Variants in ROR2 observed in about 807,000 individuals in gnomAD.
The protein encoded by ROR2 is tyrosine-protein kinase transmembrane receptor ROR2.
A neutral mutation model predicts 74.9 loss-of-function variants in ROR2; 33 were observed. The observed-to-expected ratio is 0.44, with a 90% confidence interval of 0.33 to 0.59. The LOEUF (loss-of-function observed/expected upper bound fraction) is 0.59, where lower values mean the gene tolerates loss of function less well. Among genes scored for constraint, ROR2 ranks in the 20% least tolerant of loss-of-function variants. The pLI, the probability that ROR2 is intolerant of heterozygous loss-of-function variation, is 0.02. For synonymous variants in ROR2, 586 were observed against 558.7 expected (o/e 1.05, Z -0.69); for missense variants, 1,216 against 1,313.8 (o/e 0.93, Z 1.15).
intron 5 of ROR2, among the ~76,000 whole-genome samples, chr9:91,735,276 C>T (rs1824981470): frequency 6.6e-6 from 1 of 152,230 alleles, no homozygotes; most frequent in African/African-American, 2.4e-5. Context: ...CAACACTGCA[C>T]ACAACGCAGT....
At chr9:91,802,984 C>T (rs1291537554) in intron 1 of ROR2, among the ~76,000 whole-genome samples, 1 of 152,072 alleles carries the variant, frequency 6.6e-6, no homozygotes, top group African/African-American at 2.4e-5. Flanking sequence ...ATCACAACCA[C>T]GACAACAGGT....
At chr9:91,775,913 A>G (rs773786166) in intron 1 of ROR2, 95 bp from the exon 2 acceptor site, 1 of 971,974 alleles carries the variant, frequency 1.0e-6, no homozygotes, top group Non-Finnish European at 1.6e-6. Context: ...TTCTAGCAAA[A>G]CTACCCAGTA....
chr9:91,757,779 TC>T (rs1307965893), intron 2 of ROR2, among the ~76,000 whole-genome samples: 1 of 152,098 alleles, frequency 6.6e-6, no homozygotes, highest in Non-Finnish European at 1.5e-5. Flanking sequence ...AGAGTCAAAT[TC>T]CTGTGAGCCT....
rs1003328321 is a variant in ROR2 at position 91,905,131 on chromosome 9, A to C, written c.97+44736T>G. Among the ~76,000 whole-genome samples the C allele has an allele frequency of 5.0e-4, 76 of 151,046 alleles. No individual in the cohort carries two copies. Among genetic ancestry groups the C allele is most frequent in the Admixed American group, 8.0e-4 (12 of 15,062 alleles). On this transcript the variant is annotated intron_variant, in intron 1 of 8. Coordinates refer to ENST00000375708, the MANE Select transcript of ROR2 (RefSeq NM_004560.4). The surrounding 1 kb of genome is among the most constrained non-coding windows in gnomAD (Gnocchi z 5.3). Reference sequence around the variant, plus strand: ...ACCACAAACCACATATCACACACACACCCCCCACACAAATATCACACATGC... The same window carrying C: ...ACCACAAACCACATATCACACACACCCCCCCCACACAAATATCACACATGC...
At chr9:91,801,884 G>C (rs1827391588) in intron 1 of ROR2, among the ~76,000 whole-genome samples, 1 of 152,170 alleles carries the variant, frequency 6.6e-6, no homozygotes, top group Non-Finnish European at 1.5e-5. Context: ...GCAGGGTAAA[G>C]GACCTGGACT....
At chr9:91,839,145 C>T (rs1248168448) in intron 1 of ROR2, among the ~76,000 whole-genome samples, 1 of 152,080 alleles carries the variant, frequency 6.6e-6, no homozygotes, top group East Asian at 1.9e-4. Flanking sequence ...CACCAATTAA[C>T]AAGATGAAGG....
intron 2 of ROR2, among the ~76,000 whole-genome samples, chr9:91,759,217 G>A (rs1380538349): frequency 6.6e-6 from 1 of 151,154 alleles, no homozygotes; most frequent in African/African-American, 2.4e-5. Flanking sequence ...GGAGAGGTGG[G>A]GGAAGCCAGG....
At chr9:91,758,563 G>A (rs1254305221) in intron 2 of ROR2, among the ~76,000 whole-genome samples, 1 of 152,230 alleles carries the variant, frequency 6.6e-6, no homozygotes, top group Non-Finnish European at 1.5e-5. Flanking sequence ...CAGGTCCAGA[G>A]CAGACAGAAG....
intron 1 of ROR2, among the ~76,000 whole-genome samples, chr9:91,949,106 C>T (rs1393824493): frequency 6.6e-6 from 1 of 150,412 alleles, no homozygotes; most frequent in Non-Finnish European, 1.5e-5. Context: ...CAGCCTCCTA[C>T]AGGTCCCGGG....
At chr9:91,864,548 T>C (rs1328897055) in intron 1 of ROR2, among the ~76,000 whole-genome samples, 3 of 152,224 alleles carry the variant, frequency 2.0e-5, no homozygotes, top group African/African-American at 4.8e-5. Context: ...GACGCTGCCA[T>C]AGATCAAAGC....
At chr9:91,820,752 TA>T (rs1431559385) in intron 1 of ROR2, among the ~76,000 whole-genome samples, 3 of 152,182 alleles carry the variant, frequency 2.0e-5, no homozygotes, top group Admixed American at 6.5e-5. Flanking sequence ...TTTGCAAAGT[TA>T]AACTGAAGTT....
intron 1 of ROR2, among the ~76,000 whole-genome samples, chr9:91,870,165 A>G (rs1349828732): frequency 6.6e-6 from 1 of 152,204 alleles, no homozygotes; most frequent in Non-Finnish European, 1.5e-5. Flanking sequence ...CAAAAAGCCT[A>G]AAATATTTAC....
chr9:91,741,804 C>A (rs1825257486), intron 4 of ROR2, among the ~76,000 whole-genome samples: 1 of 152,200 alleles, frequency 6.6e-6, no homozygotes, highest in Admixed American at 6.5e-5. Flanking sequence ...ACTCCCTAAG[C>A]ATTGGGTGCT....
intron 1 of ROR2, among the ~76,000 whole-genome samples, chr9:91,880,534 T>A (rs1303563058): frequency 6.6e-6 from 1 of 152,206 alleles, no homozygotes; most frequent in Non-Finnish European, 1.5e-5. Context: ...GTTGACGGTT[T>A]CCAAGAACCT....
intron 1 of ROR2, among the ~76,000 whole-genome samples, chr9:91,935,287 T>C (rs1332110193): frequency 1.3e-5 from 2 of 152,220 alleles, no homozygotes; most frequent in Non-Finnish European, 1.5e-5. Flanking sequence ...GCCCCTGCCC[T>C]GCGGGCTCCA....
intron 4 of ROR2, 91 bp downstream of exon 4, chr9:91,755,980 G>T: frequency 1.4e-6 from 2 of 1,416,296 alleles, no homozygotes; most frequent in Admixed American, 3.3e-5. Flanking sequence ...ATTCGGCAAA[G>T]ACATGAGCTG....
At chr9:91,870,195 A>G (rs963721899) in intron 1 of ROR2, among the ~76,000 whole-genome samples, 1 of 152,088 alleles carries the variant, frequency 6.6e-6, no homozygotes, top group African/African-American at 2.4e-5. Context: ...ATTTTTTGGA[A>G]AAGGTTTGCT....
chr9:91,754,769 T>C lies in ROR2; in HGVS notation c.494+1302A>G, dbSNP rs1825694255. ...CAAAGCCCCATAATTGTGCTCATGA[T>C]GCAATTTCTTCTTTCCTTACTCTGT... On this transcript the variant is annotated intron_variant, in intron 4 of 8. Transcript: ENST00000375708. Among the ~76,000 whole-genome samples the C allele has an allele frequency of 2.6e-5, 4 of 152,368 alleles. No individual in the cohort carries two copies. The South Asian group carries it at 8.3e-4, about 32-fold the overall frequency.
At chr9:91,837,184 C>T (rs143613103) in intron 1 of ROR2, among the ~76,000 whole-genome samples, 85 of 152,060 alleles carry the variant, frequency 5.6e-4, no homozygotes, top group African/African-American at 2.0e-3. Flanking sequence ...GATGGAGTCT[C>T]ACTCTGTCGC....
Sources: allele counts gnomAD v4.1 joint callset (sites outside exome capture counted in the v4.1 genomes callset), GRCh38; gene constraint gnomAD v4.1.1; non-coding constraint Gnocchi (gnomAD v3.1); transcripts MANE v1.5; gene names NCBI Gene and HGNC (gene_info 2026-07-23, HGNC 2026-07-21).